The following RBFA variants were observed in gnomAD, a reference collection of about 807,000 sequenced individuals.
RBFA encodes the protein ribosome binding factor A, also known as putative ribosome-binding factor A, mitochondrial.
A neutral mutation model predicts 27.9 loss-of-function variants in RBFA; 16 were observed. The ratio of observed to expected loss-of-function variants is 0.57; its 90% CI spans 0.39 to 0.87. The LOEUF (loss-of-function observed/expected upper bound fraction) is 0.87. Among genes scored for constraint, RBFA ranks in the 40% least tolerant of loss-of-function variants. The pLI is 0.00. For missense variants in RBFA, 456 were observed against 432.1 expected (o/e 1.06, Z -0.49); for synonymous variants, 181 against 181.0 (o/e 1.00, Z 0.00).
intron 4 of RBFA, among the ~76,000 whole-genome samples, chr18:80,040,756 C>T (rs1031604672): frequency 1.9e-4 from 29 of 151,932 alleles, no homozygotes; most frequent in African/African-American, 6.3e-4. Flanking sequence ...TTTAAAAAGA[C>T]GTAGCTTTTA....
rs1299707043 is a variant in RBFA at position 80,046,141 on chromosome 18, G to A, written c.1018G>A (p.Ala340Thr). The change falls in exon 7 of 7, where the codon GCA becomes ACA. Residue 340 changes from alanine to threonine, a missense_variant. Coordinates refer to ENST00000306735, the MANE Select transcript of RBFA (RefSeq NM_024805.3). ...GRTEDGHSCG[A>T]SRE is the part of the protein sequence containing the mutation. ...AACAGAGGATGGCCACAGCTGCGGA[G>A]CAAGCAGGGAGTAGATGGAGAGGCT... 2 of 1,613,798 alleles carry A rather than the reference G, an allele frequency of 1.2e-6. No homozygotes were observed. The highest frequency in any genetic ancestry group is 1.3e-5 in the African/African-American group (1 of 74,940).
chr18:80,037,323 G>A lies in RBFA; in HGVS notation c.202-7G>A. The A allele has an allele frequency of 6.2e-7, 1 of 1,612,776 alleles. No homozygotes were observed. Among genetic ancestry groups the A allele is most frequent in the Non-Finnish European group, 8.5e-7 (1 of 1,179,348 alleles). On this transcript the variant is annotated splice_region_variant and splice_polypyrimidine_tract_variant and intron_variant, in intron 2 of 6. Coordinates refer to ENST00000306735, the MANE Select transcript of RBFA (RefSeq NM_024805.3). ...GCCCTTGGGGTGTGCTCTTCTTCCT[G>A]ATGGAGACTTACAAACCATCCAAGT...
chr18:80,035,997 T>G (rs2051976508), intron 1 of RBFA: 1 of 152,190 alleles, frequency 6.6e-6, no homozygotes, highest in Non-Finnish European at 1.5e-5. Flanking sequence ...AGCCCTAAAA[T>G]CAGCCATTTC....
chr18:80,038,907 C>T (rs1568387918), intron 4 of RBFA, among the ~76,000 whole-genome samples: 2 of 152,196 alleles, frequency 1.3e-5, no homozygotes, highest in Non-Finnish European at 2.9e-5. Flanking sequence ...GACATTTGCA[C>T]TGAGGGTACA....
rs71338083 is a variant in RBFA, at chr18:80,040,239, A to ATTTTTTTTTTTTTTTTTTT, written c.491+1623_491+1641dup. Among the ~76,000 whole-genome samples the ATTTTTTTTTTTTTTTTTTT allele has an allele frequency of 4.8e-3, 439 of 91,412 alleles. 4 individuals carry two copies. Among genetic ancestry groups the ATTTTTTTTTTTTTTTTTTT allele is most frequent in the Middle Eastern group, 8.8e-3 (1 of 114 alleles). 60.0% of individuals were successfully genotyped at this position (91,412 alleles called of 152,430 possible). A position where few individuals can be genotyped will look rare whatever the true frequency, so the allele number is the denominator to read the frequency against. On this transcript the variant is annotated intron_variant, in intron 4 of 6. Coordinates refer to ENST00000306735, the MANE Select transcript of RBFA (RefSeq NM_024805.3). ...TCCAACACATAACTGGGAGGCCTGA[A>ATTTTTTTTTTTTTTTTTTT]TTTTTTTTTTTTTTTTTTTGCTTTT...
chr18:80,050,471 A>G lies in RBFA; in HGVS notation c.*4316A>G, dbSNP rs1466400177. Among the ~76,000 whole-genome samples, 1 of 152,174 alleles carries G rather than the reference A, an allele frequency of 6.6e-6. No individual in the cohort carries two copies. Among genetic ancestry groups the G allele is most frequent in the Non-Finnish European group, 1.5e-5 (1 of 68,022 alleles). On this transcript the variant is annotated 3_prime_UTR_variant, in exon 7 of 7. Coordinates refer to ENST00000306735, the MANE Select transcript of RBFA (RefSeq NM_024805.3). ...GACTGGGGCACCCATCCCCTCAAGCATTTATCCTTTGTGCCACAAACAATC... is the reference window on the plus strand; with the variant it reads ...GACTGGGGCACCCATCCCCTCAAGCGTTTATCCTTTGTGCCACAAACAATC...
At chr18:80,040,656 A>G (rs1469635655) in intron 4 of RBFA, among the ~76,000 whole-genome samples, 1 of 152,102 alleles carries the variant, frequency 6.6e-6, no homozygotes, top group Non-Finnish European at 1.5e-5. Flanking sequence ...AAACAATTCC[A>G]TGCTTTTCAT....
At position 80,038,716 on chromosome 18, in the gene RBFA, T is replaced by G. The variant is rs763586909; in HGVS notation, c.491+99T>G. On this transcript the variant is annotated intron_variant, in intron 4 of 6. Coordinates refer to ENST00000306735, the MANE Select transcript of RBFA (RefSeq NM_024805.3). The stretch of plus-strand genomic sequence containing the variant: ...GTGGACTTGAACTTTTCATTGAGTA[T>G]TTTTGCTTTTAAAGAAAATTTTGGA... 1.0e-4 allele frequency: 90 copies of G among 865,524 alleles called. No homozygotes were observed. The Middle Eastern group carries it at 1.6e-3, about 15-fold the overall frequency. The allele number at this position is 865,524 out of a possible 1,614,324, so 53.6% of individuals were successfully genotyped here.
intron 3 of RBFA, among the ~76,000 whole-genome samples, chr18:80,037,905 A>G (rs771149286): frequency 6.6e-6 from 1 of 151,292 alleles, no homozygotes; most frequent in Non-Finnish European, 1.5e-5. Context: ...AAAAAAAGCC[A>G]CTTTAGCACT....
Position 80,038,956 on chromosome 18 carries a change from C to T in RBFA, c.491+339C>T, listed in dbSNP as rs377553176. Among the ~76,000 whole-genome samples, 5 of 152,332 alleles carry T rather than the reference C, an allele frequency of 3.3e-5. No homozygotes were observed. The East Asian group carries it at 7.7e-4, about 24-fold the overall frequency. On this transcript the variant is annotated intron_variant, in intron 4 of 6. Transcript: ENST00000306735. Reference sequence around the variant, plus strand: ...AAGACTGCTGGTGCCATGCTGCCAGCCAGTGCTGTAGGGGCGCCATGCCAC... The same window carrying T: ...AAGACTGCTGGTGCCATGCTGCCAGTCAGTGCTGTAGGGGCGCCATGCCAC...
chr18:80,037,257 G>A, intron 2 of RBFA, 73 bp from the exon 3 acceptor site: 5 of 1,360,780 alleles, frequency 3.7e-6, no homozygotes, highest in Non-Finnish European at 5.1e-6. Flanking sequence ...CCCTCCCCCA[G>A]CCCCTGCTGT....
At position 80,046,339 on chromosome 18, in the gene RBFA, ACT is replaced by A. The variant is rs915278659; in HGVS notation, c.*185_*186del. The A allele has an allele frequency of 9.7e-5, 63 of 648,902 alleles. No individual in the cohort carries two copies. The highest frequency in any genetic ancestry group is 1.5e-4 in the Non-Finnish European group (58 of 384,866). The allele number at this position is 648,902 out of a possible 1,614,324, so 40.2% of individuals were successfully genotyped here. ...CAAGTCACTGTTTTTTTTTCCATGC[ACT>A]GTGTGTAATTTAAAAATTAAATGGC... On this transcript the variant is annotated 3_prime_UTR_variant, in exon 7 of 7. Coordinates refer to ENST00000306735, the MANE Select transcript of RBFA (RefSeq NM_024805.3).
At chr18:80,045,697 C>CT in intron 6 of RBFA, 77 bp from the exon 7 acceptor site, 1 of 1,445,090 alleles carries the variant, frequency 6.9e-7, no homozygotes, top group Non-Finnish European at 9.2e-7. Flanking sequence ...GTGTGATGTG[C>CT]TGTTGTGTTG....
At chr18:80,042,975 C>T (rs1339606576) in intron 5 of RBFA, among the ~76,000 whole-genome samples, 1 of 152,150 alleles carries the variant, frequency 6.6e-6, no homozygotes, top group African/African-American at 2.4e-5. Flanking sequence ...GAGTTGCCCT[C>T]CCACGCCTGT....
rs1405837809 is a variant in RBFA, at chr18:80,043,259, A to G, written c.577-953A>G. On this transcript the variant is annotated intron_variant, in intron 5 of 6. Coordinates refer to ENST00000306735, the MANE Select transcript of RBFA (RefSeq NM_024805.3). ...ATTATAGGTAACTGTTGTTCAGTAT[A>G]GGACCAGACAGCATTTGGATCCACA... Among the ~76,000 whole-genome samples, 3 of 152,252 alleles carry G rather than the reference A, an allele frequency of 2.0e-5. No homozygotes were observed. In the East Asian group the frequency reaches 5.8e-4, roughly 29 times the overall value.
At chr18:80,037,572 C>A (rs1599765868) in intron 3 of RBFA, 66 bp downstream of exon 3, 2 of 1,403,118 alleles carry the variant, frequency 1.4e-6, no homozygotes, top group South Asian at 1.3e-5. Flanking sequence ...CTTTACCTGG[C>A]CCAGTCTTGC....
intron 4 of RBFA, among the ~76,000 whole-genome samples, chr18:80,040,623 C>A (rs771758770): frequency 3.3e-5 from 5 of 151,950 alleles, no homozygotes; most frequent in Non-Finnish European, 7.4e-5. Context: ...ATGAAGCTGG[C>A]CTTGGAGAAT....
chr18:80,040,646 A>C (rs1253441402), intron 4 of RBFA, among the ~76,000 whole-genome samples: 1 of 152,166 alleles, frequency 6.6e-6, no homozygotes, highest in Admixed American at 6.5e-5. Flanking sequence ...GCAAATACAT[A>C]AACAATTCCA....
chr18:80,044,422 C>T, intron 6 of RBFA, 137 bp downstream of exon 6: 1 of 774,914 alleles, frequency 1.3e-6, no homozygotes, highest in Non-Finnish European at 2.2e-6. Flanking sequence ...CCAGGGCCGG[C>T]AATCCACATT....
Sources: allele counts gnomAD v4.1 joint callset (sites outside exome capture counted in the v4.1 genomes callset), GRCh38; gene constraint gnomAD v4.1.1; transcripts MANE v1.5; gene names NCBI Gene and HGNC (gene_info 2026-07-23, HGNC 2026-07-21).